Variants in C1orf94 observed in about 807,000 individuals in gnomAD.
The protein encoded by C1orf94 is chromosome 1 open reading frame 94.
C1orf94 carries 45 observed loss-of-function variants against 53.6 expected under a neutral mutation model. That is an observed-to-expected ratio of 0.84 (90% CI 0.66 to 1.08). C1orf94 has a LOEUF of 1.08. Among genes scored for constraint, C1orf94 ranks in the 50% least tolerant of loss-of-function variants. The pLI is 0.00. For missense variants in C1orf94, 762 were observed against 738.9 expected (o/e 1.03, Z -0.36); for synonymous variants, 304 against 296.1 (o/e 1.03, Z -0.27).
intron 2 of C1orf94, 86 bp from the exon 3 acceptor site, chr1:34,200,686 T>C: frequency 6.5e-7 from 1 of 1,550,384 alleles, no homozygotes; most frequent in Non-Finnish European, 8.8e-7. Context: ...CTGCAGAGGA[T>C]TCATCATTTA....
At chr1:34,176,792 G>A (rs1436192794), upstream of C1orf94, among the ~76,000 whole-genome samples, 3 of 152,194 alleles carry the variant, frequency 2.0e-5, no homozygotes, top group Non-Finnish European at 4.4e-5. Context: ...CGGCGAAGTG[G>A]GGCGGCGGCG....
At chr1:34,183,983 A>G (rs1642348056) in intron 1 of C1orf94, among the ~76,000 whole-genome samples, 1 of 152,196 alleles carries the variant, frequency 6.6e-6, no homozygotes, top group African/African-American at 2.4e-5. Context: ...GGCAGATCAC[A>G]ACACACTATA....
chr1:34,170,788 C>A (rs963778086), intron 1 of C1orf94, among the ~76,000 whole-genome samples: 13 of 151,730 alleles, frequency 8.6e-5, no homozygotes, highest in Admixed American at 5.2e-4. Flanking sequence ...CTCCCCAATT[C>A]AGGGAACAGT....
chr1:34,207,174 G>A (rs1432879405), intron 4 of C1orf94, among the ~76,000 whole-genome samples: 1 of 152,136 alleles, frequency 6.6e-6, no homozygotes, highest in East Asian at 1.9e-4. Context: ...TGGGTTTTGA[G>A]CCTCATCTTA....
chr1:34,175,474 C>G (rs1364321682), upstream of C1orf94, among the ~76,000 whole-genome samples: 1 of 152,134 alleles, frequency 6.6e-6, no homozygotes, highest in African/African-American at 2.4e-5. Context: ...TTTCTACATT[C>G]TTAACTATAA....
chr1:34,180,050 T>C (rs1642291934), intron 1 of C1orf94, among the ~76,000 whole-genome samples: 1 of 152,228 alleles, frequency 6.6e-6, no homozygotes, highest in Admixed American at 6.5e-5. Context: ...GGCGGTGTGC[T>C]GGTGGAGTCA....
Position 34,197,135 on chromosome 1 carries a change from A to T in C1orf94, c.321-90A>T. The T allele has an allele frequency of 1.7e-6, 2 of 1,179,192 alleles. No individual in the cohort carries two copies. Among genetic ancestry groups the T allele is most frequent in the Non-Finnish European group, 2.4e-6 (2 of 850,832 alleles). 73.0% of individuals were successfully genotyped at this position (1,179,192 alleles called of 1,614,324 possible). On this transcript the variant is annotated intron_variant, in intron 1 of 6. Coordinates refer to ENST00000488417, the MANE Select transcript of C1orf94 (RefSeq NM_001134734.2). This position sits in a 1 kb window ranked among gnomAD's most constrained non-coding sequence, Gnocchi z 4.1. ...TGTGTTTTTGTCATGTTATGCATCC[A>T]TCTCCCTTTTCTGGGGCCTATGTCC...
Position 34,210,315 on chromosome 1 carries a change from G to A in C1orf94, c.1525-1895G>A, listed in dbSNP as rs1283445758. On this transcript the variant is annotated intron_variant, in intron 5 of 6. Transcript: ENST00000488417. ...TCTGACCTTTAGCTCATCACCTTGG[G>A]ATTTGGTGCCTGCGCCCAGCATCAC... 2.0e-5 allele frequency among the ~76,000 whole-genome samples: 3 copies of A among 152,162 alleles called. No homozygotes were observed. The East Asian group carries it at 5.8e-4, about 29-fold the overall frequency.
chr1:34,193,049 G>A (rs1449326693), intron 1 of C1orf94, among the ~76,000 whole-genome samples: 1 of 152,160 alleles, frequency 6.6e-6, no homozygotes, highest in Non-Finnish European at 1.5e-5. Flanking sequence ...TAGTTTTCTA[G>A]AATAAATAAG....
Position 34,208,381 on chromosome 1 carries a change from C to T in C1orf94, c.1524+147C>T, listed in dbSNP as rs376150824. The T allele has an allele frequency of 3.1e-3, 2,430 of 776,506 alleles. 76 individuals are homozygous for T. The South Asian group carries it at 0.04, about 13-fold the overall frequency. 48.1% of individuals were successfully genotyped at this position (776,506 alleles called of 1,614,324 possible). On this transcript the variant is annotated intron_variant, in intron 5 of 6. Coordinates refer to ENST00000488417, the MANE Select transcript of C1orf94 (RefSeq NM_001134734.2). ...GAGTACAGACTCACATACCGGCATG[C>T]GTGTGGAAAACACAAACCGATGTCC...
exon 1 of C1orf94, chr1:34,167,034 G>A (rs996322139): frequency 2.0e-5 from 3 of 152,266 alleles, no homozygotes; most frequent in Non-Finnish European, 4.4e-5. Context: ...GAACTCCTCA[G>A]TGAAAGGCCT....
intron 1 of C1orf94, among the ~76,000 whole-genome samples, chr1:34,184,983 TCCTCTTGGAGGGGTCAATA>T (rs1642363661): frequency 6.6e-6 from 1 of 152,152 alleles, no homozygotes; most frequent in Non-Finnish European, 1.5e-5. Context: ...TAGTGTTTTC[TCCTCTTGGAGGGGTCAATA>T]CCTCTTTGAA....
At chr1:34,207,296 TG>T (rs1642816494) in intron 4 of C1orf94, among the ~76,000 whole-genome samples, 1 of 150,214 alleles carries the variant, frequency 6.7e-6, no homozygotes, top group Non-Finnish European at 1.5e-5. Flanking sequence ...TGTGTGTGTG[TG>T]TGTGTGTCTT....
intron 1 of C1orf94, among the ~76,000 whole-genome samples, chr1:34,171,770 G>A (rs939633988): frequency 6.6e-6 from 1 of 152,194 alleles, no homozygotes; most frequent in Non-Finnish European, 1.5e-5. Flanking sequence ...TGTCTCTGCA[G>A]ATGAAGATGT....
At chr1:34,178,322 G>C (rs1386830705) in intron 1 of C1orf94, among the ~76,000 whole-genome samples, 1 of 152,168 alleles carries the variant, frequency 6.6e-6, no homozygotes, top group Non-Finnish European at 1.5e-5. Flanking sequence ...TATATTCCAG[G>C]CTGCCTCTTC....
Position 34,177,046 on chromosome 1 carries a change from C to G in C1orf94, c.-744C>G, listed in dbSNP as rs1003219348. ...CTTGCCGAGTCAGCGCGCTCTTGAG[C>G]CGCTGGGCCCTTCCCGGTGCCCGCC... is the stretch of plus-strand genomic sequence containing the variant. On this transcript the variant is annotated 5_prime_UTR_variant, in exon 1 of 7. Coordinates refer to ENST00000488417, the MANE Select transcript of C1orf94 (RefSeq NM_001134734.2). 4.6e-5 allele frequency among the ~76,000 whole-genome samples: 7 copies of G among 152,228 alleles called. No individual in the cohort carries two copies. The highest frequency in any genetic ancestry group is 3.3e-4 in the Admixed American group (5 of 15,288).
intron 2 of C1orf94, among the ~76,000 whole-genome samples, chr1:34,198,658 A>G (rs1642643536): frequency 6.6e-6 from 1 of 152,234 alleles, no homozygotes; most frequent in African/African-American, 2.4e-5. Flanking sequence ...CAAAAGAACA[A>G]TTTCCTCTGG....
intron 1 of C1orf94, among the ~76,000 whole-genome samples, chr1:34,188,817 C>T (rs770666852): frequency 3.3e-5 from 5 of 152,146 alleles, no homozygotes; most frequent in African/African-American, 7.2e-5. Flanking sequence ...GGAGACAGAG[C>T]TTAAGGGTTT....
upstream of C1orf94, among the ~76,000 whole-genome samples, chr1:34,173,026 A>G (rs897048559): frequency 6.6e-6 from 1 of 152,388 alleles, no homozygotes; most frequent in African/African-American, 2.4e-5. Context: ...CACAATACAA[A>G]GAAGAAAACT....
Sources: gnomAD v4.1 joint callset for allele counts (sites outside exome capture counted in the v4.1 genomes callset) on GRCh38, gnomAD v4.1.1 for gene constraint, Gnocchi (gnomAD v3.1) non-coding constraint, MANE v1.5 for transcripts, NCBI Gene and HGNC (gene_info 2026-07-23, HGNC 2026-07-21) for gene names.